The following FHIT variants were observed in gnomAD, a reference collection of about 807,000 sequenced individuals.
FHIT encodes bis(5'-adenosyl)-triphosphatase.
FHIT carries 19 observed loss-of-function variants against 17.9 expected under a neutral mutation model. The observed-to-expected ratio is 1.06, with a 90% CI of 0.74 to 1.56. The LOEUF (loss-of-function observed/expected upper bound fraction) is 1.56, where lower values mean the gene tolerates loss of function less well. Among genes scored for constraint, FHIT ranks in the 40% most tolerant of loss-of-function variants. The probability of loss-of-function intolerance (pLI) is 0.00; values close to 1 mark genes in which losing one functional copy is unlikely to be tolerated. For synonymous variants in FHIT, 81 were observed against 69.7 expected (o/e 1.16, Z -0.81); for missense variants, 248 against 189.2 (o/e 1.31, Z -1.82).
chr3:59,799,752 T>C (rs920244511), intron 8 of FHIT, among the ~76,000 whole-genome samples: 7 of 152,210 alleles, frequency 4.6e-5, no homozygotes, highest in African/African-American at 1.7e-4. Flanking sequence ...TACTTACCTT[T>C]GCTGAAATTA....
chr3:61,042,475 G>C (rs1188863202), intron 2 of FHIT, among the ~76,000 whole-genome samples: 1 of 152,138 alleles, frequency 6.6e-6, no homozygotes, highest in Non-Finnish European at 1.5e-5. Flanking sequence ...TTTTAAAACA[G>C]AATATGGGTA....
At chr3:60,414,115 C>T (rs2611410) in intron 5 of FHIT, among the ~76,000 whole-genome samples, 8,349 of 152,186 alleles carry the variant, frequency 0.055, 584 homozygotes, top group African/African-American at 0.16. Context: ...GGTTAGGAAA[C>T]GCCTTTATGA....
At chr3:60,043,892 T>C (rs927442683) in intron 5 of FHIT, among the ~76,000 whole-genome samples, 1 of 152,198 alleles carries the variant, frequency 6.6e-6, no homozygotes, top group South Asian at 2.1e-4. Context: ...GCCTACTTAA[T>C]TACTAGGTTG....
chr3:61,185,374 C>T (rs1390417023), intron 2 of FHIT, among the ~76,000 whole-genome samples: 2 of 152,166 alleles, frequency 1.3e-5, no homozygotes, highest in Non-Finnish European at 2.9e-5. Context: ...AGTCAATGAG[C>T]TTCATTCAGA....
At chr3:59,854,648 T>C (rs761274560) in intron 8 of FHIT, among the ~76,000 whole-genome samples, 6 of 152,132 alleles carry the variant, frequency 3.9e-5, no homozygotes, top group Non-Finnish European at 8.8e-5. Context: ...TTTTTACAGA[T>C]GAAAAAACTG....
chr3:60,665,371 ACATT>A (rs1415773397), intron 4 of FHIT, among the ~76,000 whole-genome samples: 1 of 151,964 alleles, frequency 6.6e-6, no homozygotes, highest in African/African-American at 2.4e-5. Flanking sequence ...TTGAGAGAGG[ACATT>A]GAAGTCCTGA....
intron 1 of FHIT, among the ~76,000 whole-genome samples, chr3:61,205,038 T>C (rs1451098961): frequency 1.4e-5 from 2 of 147,378 alleles, no homozygotes; most frequent in Non-Finnish European, 3.0e-5. Context: ...GTTCTCATTG[T>C]TCAATTCCCA....
At chr3:60,951,669 G>A (rs143975889) in intron 3 of FHIT, among the ~76,000 whole-genome samples, 1 of 152,318 alleles carries the variant, frequency 6.6e-6, no homozygotes, top group African/African-American at 2.4e-5. Flanking sequence ...CGCTCTCGGA[G>A]CAAACGGGAA....
chr3:60,173,161 A>G (rs2107410401), intron 5 of FHIT, among the ~76,000 whole-genome samples: 1 of 152,204 alleles, frequency 6.6e-6, no homozygotes, highest in South Asian at 2.1e-4. Context: ...ACAACCTTAA[A>G]CAGACTGTCC....
intron 3 of FHIT, among the ~76,000 whole-genome samples, chr3:60,966,480 A>G (rs1208179656): frequency 6.6e-6 from 1 of 152,172 alleles, no homozygotes; most frequent in Non-Finnish European, 1.5e-5. Context: ...GGGTACCTCA[A>G]TTGGAAATGC....
chr3:60,702,881 C>T (rs1303291183), intron 4 of FHIT, among the ~76,000 whole-genome samples: 2 of 152,048 alleles, frequency 1.3e-5, no homozygotes, highest in African/African-American at 4.8e-5. Context: ...GTTTAACTTC[C>T]TTCCATGCCC....
intron 5 of FHIT, among the ~76,000 whole-genome samples, chr3:60,170,212 G>A (rs1387427519): frequency 6.6e-6 from 1 of 152,142 alleles, no homozygotes; most frequent in Non-Finnish European, 1.5e-5. Flanking sequence ...ATGGATGGAG[G>A]TAATCAGGTT....
intron 2 of FHIT, among the ~76,000 whole-genome samples, chr3:61,092,673 G>A (rs1037609525): frequency 6.6e-6 from 1 of 152,066 alleles, no homozygotes; most frequent in Admixed American, 6.6e-5. Context: ...AGATGATTTA[G>A]AGAAATAGTT....
At chr3:60,330,673 T>C (rs985116452) in intron 5 of FHIT, among the ~76,000 whole-genome samples, 1 of 152,184 alleles carries the variant, frequency 6.6e-6, no homozygotes, top group Admixed American at 6.5e-5. Context: ...GCCTAAAAGA[T>C]GTATGTACAA....
intron 4 of FHIT, among the ~76,000 whole-genome samples, chr3:60,709,272 C>A (rs891218295): frequency 2.0e-5 from 3 of 152,186 alleles, no homozygotes; most frequent in Non-Finnish European, 2.9e-5. Flanking sequence ...ATTGTCTCAA[C>A]ATCACATTAA....
intron 8 of FHIT, among the ~76,000 whole-genome samples, chr3:59,919,979 A>T (rs6776220): frequency 0.15 from 22,139 of 152,236 alleles, 2,021 homozygotes; most frequent in Middle Eastern, 0.24. Context: ...TACAAAGAGG[A>T]AGATAAAACT....
At chr3:60,636,764 A>C (rs1553684001) in intron 4 of FHIT, among the ~76,000 whole-genome samples, 1 of 152,198 alleles carries the variant, frequency 6.6e-6, no homozygotes. Flanking sequence ...AGTCCTTCAC[A>C]GCATGAGGAT....
intron 5 of FHIT, among the ~76,000 whole-genome samples, chr3:60,027,135 ACACACACACACAC>A (rs1700779253): frequency 1.6e-5 from 2 of 127,698 alleles, no homozygotes; most frequent in Non-Finnish European, 1.7e-5. Flanking sequence ...ACACACACAC[ACACACACACACAC>A]AAAATTAGTA....
At chr3:61,224,563 C>T (rs1313138800) in intron 1 of FHIT, among the ~76,000 whole-genome samples, 1 of 152,174 alleles carries the variant, frequency 6.6e-6, no homozygotes, top group Non-Finnish European at 1.5e-5. Context: ...GCACATGCCA[C>T]CACACCCAGC....
Sources: gnomAD v4.1 joint callset for allele counts (sites outside exome capture counted in the v4.1 genomes callset) on GRCh38, gnomAD v4.1.1 for gene constraint, MANE v1.5 for transcripts, NCBI Gene and HGNC (gene_info 2026-07-23, HGNC 2026-07-21) for gene names.